Variants in PTPRR observed in about 807,000 individuals in gnomAD.
The protein encoded by PTPRR is receptor-type tyrosine-protein phosphatase R.
A neutral mutation model predicts 77.2 loss-of-function variants in PTPRR; 38 were observed. That is an observed-to-expected ratio of 0.49 (90% CI 0.38 to 0.65). The LOEUF is 0.65. Ranked by LOEUF, PTPRR falls within the 30% of genes least tolerant of loss-of-function variation. PTPRR has a pLI of 0.00. For missense variants in PTPRR, 744 were observed against 799.2 expected, an observed-to-expected ratio of 0.93 and a Z score of 0.83; for synonymous variants, 299 against 283.1, an observed-to-expected ratio of 1.06 and a Z score of -0.57.
At chr12:70,784,605 G>T (rs1891283318) in intron 2 of PTPRR, among the ~76,000 whole-genome samples, 1 of 152,240 alleles carries the variant, frequency 6.6e-6, no homozygotes, top group Non-Finnish European at 1.5e-5. Context: ...GCAGCGGCCG[G>T]CATGATGGCA....
At chr12:70,684,354 G>A in intron 9 of PTPRR, 90 bp from the exon 10 acceptor site, 1 of 1,428,134 alleles carries the variant, frequency 7.0e-7, no homozygotes, top group South Asian at 1.3e-5. Flanking sequence ...GAAATAGCTG[G>A]GCTAGTACAA....
At chr12:70,700,483 T>C (rs1320375357) in intron 7 of PTPRR, among the ~76,000 whole-genome samples, 1 of 152,210 alleles carries the variant, frequency 6.6e-6, no homozygotes, top group Non-Finnish European at 1.5e-5. Context: ...GGGCACCATA[T>C]GCACCCTGTT....
intron 2 of PTPRR, chr12:70,788,882 T>G: frequency 6.6e-7 from 1 of 1,510,542 alleles, no homozygotes; most frequent in Non-Finnish European, 8.8e-7. Flanking sequence ...TTGTGTTATT[T>G]CCTTACCATA....
chr12:70,891,551 T>C (rs909249563), intron 2 of PTPRR, among the ~76,000 whole-genome samples: 4 of 152,132 alleles, frequency 2.6e-5, no homozygotes, highest in Non-Finnish European at 5.9e-5. Context: ...GAGTTCATCT[T>C]GTGTTCTTAG....
intron 1 of PTPRR, among the ~76,000 whole-genome samples, chr12:70,903,823 A>C (rs1470388340): frequency 6.6e-6 from 1 of 151,818 alleles, no homozygotes; most frequent in Non-Finnish European, 1.5e-5. Context: ...AAATAATTAC[A>C]AGTCACATAT....
intron 2 of PTPRR, among the ~76,000 whole-genome samples, chr12:70,803,421 A>C (rs1891651571): frequency 6.6e-6 from 1 of 152,162 alleles, no homozygotes; most frequent in Non-Finnish European, 1.5e-5. Context: ...TGAATACTAA[A>C]TCTAAGTGCA....
intron 8 of PTPRR, among the ~76,000 whole-genome samples, chr12:70,695,098 TAA>T (rs1276853733): frequency 6.6e-6 from 1 of 152,198 alleles, no homozygotes; most frequent in Non-Finnish European, 1.5e-5. Flanking sequence ...TTTATAATTA[TAA>T]ATTGATTTAT....
At chr12:70,914,712 C>T (rs1270918243) in intron 1 of PTPRR, among the ~76,000 whole-genome samples, 1 of 152,046 alleles carries the variant, frequency 6.6e-6, no homozygotes, top group African/African-American at 2.4e-5. Context: ...AATCCCAGCA[C>T]TCTCTGAGGT....
At chr12:70,796,751 C>T (rs753115701) in intron 2 of PTPRR, among the ~76,000 whole-genome samples, 6 of 152,166 alleles carry the variant, frequency 3.9e-5, no homozygotes, top group East Asian at 1.9e-4. Context: ...TAACTAAGGC[C>T]GGGCATGGTG....
intron 13 of PTPRR, among the ~76,000 whole-genome samples, chr12:70,650,065 A>C (rs1431703807): frequency 1.3e-5 from 2 of 152,206 alleles, no homozygotes; most frequent in African/African-American, 4.8e-5. Flanking sequence ...AATAAAATTA[A>C]AGGAGTTTCT....
At chr12:70,699,190 A>C (rs1021769846) in intron 7 of PTPRR, among the ~76,000 whole-genome samples, 1 of 152,232 alleles carries the variant, frequency 6.6e-6, no homozygotes, top group African/African-American at 2.4e-5. Flanking sequence ...TGATAAGATT[A>C]ACATGAACAA....
chr12:70,916,503 C>T (rs954280943), intron 1 of PTPRR, among the ~76,000 whole-genome samples: 3 of 152,014 alleles, frequency 2.0e-5, no homozygotes, highest in Admixed American at 6.6e-5. Context: ...GTTAGTCTAT[C>T]GTTTCTTTTG....
chr12:70,770,304 A>C (rs1257397010), intron 2 of PTPRR, among the ~76,000 whole-genome samples: 7 of 152,042 alleles, frequency 4.6e-5, no homozygotes, highest in Non-Finnish European at 7.4e-5. Context: ...AACTCAAAGA[A>C]ATTTACAAGA....
chr12:70,791,788 A>C (rs1397609171), intron 2 of PTPRR, among the ~76,000 whole-genome samples: 2 of 152,184 alleles, frequency 1.3e-5, no homozygotes, highest in East Asian at 1.9e-4. Context: ...AAAAATGTAA[A>C]ATAGTTGTGG....
rs533049650 is a variant in PTPRR, at chr12:70,822,059, A to G, written c.358-57281T>C. Reference sequence around the variant, plus strand: ...ATTCCAAATGCTGGTAGAAAGATCAACCTTAACATTCCAGGAAGTTCTCAC... The same window carrying G: ...ATTCCAAATGCTGGTAGAAAGATCAGCCTTAACATTCCAGGAAGTTCTCAC... On this transcript the variant is annotated intron_variant, in intron 2 of 13. Transcript: ENST00000283228. 5.9e-5 allele frequency among the ~76,000 whole-genome samples: 9 copies of G among 152,338 alleles called. No individual in the cohort carries two copies. In the South Asian group the frequency reaches 1.9e-3, roughly 32 times the overall value.
intron 2 of PTPRR, among the ~76,000 whole-genome samples, chr12:70,880,143 AAC>A (rs5799006): frequency 0.18 from 27,208 of 152,166 alleles, 3,080 homozygotes; most frequent in East Asian, 0.4. Flanking sequence ...TGTTAATAAT[AAC>A]AGTCAATTTT....
At chr12:70,866,622 A>G (rs1050446844) in intron 2 of PTPRR, among the ~76,000 whole-genome samples, 85 of 152,352 alleles carry the variant, frequency 5.6e-4, no homozygotes, top group Non-Finnish European at 9.4e-4. Context: ...AACTGGTACC[A>G]TTCCTTCTGA....
chr12:70,878,318 T>A (rs969752497), intron 2 of PTPRR, among the ~76,000 whole-genome samples: 3 of 151,940 alleles, frequency 2.0e-5, no homozygotes, highest in South Asian at 2.1e-4. Context: ...CAGGCAACCT[T>A]CAGAATGGGA....
At chr12:70,697,278 A>G (rs1448064914) in intron 8 of PTPRR, among the ~76,000 whole-genome samples, 1 of 152,170 alleles carries the variant, frequency 6.6e-6, no homozygotes, top group Non-Finnish European at 1.5e-5. Context: ...ATGGATATAA[A>G]GTACTATCTT....
Sources: gnomAD v4.1 joint callset for allele counts (sites outside exome capture counted in the v4.1 genomes callset) on GRCh38, gnomAD v4.1.1 for gene constraint, MANE v1.5 for transcripts, NCBI Gene and HGNC (gene_info 2026-07-23, HGNC 2026-07-21) for gene names.